Variants in SSPN observed in about 807,000 individuals in gnomAD.
SSPN encodes sarcospan.
Under a neutral mutation model 19.1 loss-of-function variants are expected in SSPN, and 15 were observed. The ratio of observed to expected loss-of-function variants is 0.78; its 90% confidence interval spans 0.52 to 1.21. The LOEUF (loss-of-function observed/expected upper bound fraction) is 1.21, where lower values mean the gene tolerates loss of function less well. SSPN is among the 50% of genes most tolerant of loss of function. The probability of loss-of-function intolerance (pLI) is 0.00; values close to 1 mark genes in which losing one functional copy is unlikely to be tolerated. For missense variants in SSPN, 291 were observed against 314.0 expected, an observed-to-expected ratio of 0.93 and a Z score of 0.55; for synonymous variants, 147 against 140.3, an observed-to-expected ratio of 1.05 and a Z score of -0.34.
chr12:26,151,429 A>C (rs1191119088), intron 1 of SSPN, among the ~76,000 whole-genome samples: 1 of 152,200 alleles, frequency 6.6e-6, no homozygotes, highest in East Asian at 1.9e-4. Flanking sequence ...GCTGTTACCC[A>C]GCACAACTGC....
chr12:26,211,107 A>G (rs1322001741), intron 1 of SSPN: 1 of 152,186 alleles, frequency 6.6e-6, no homozygotes, highest in Non-Finnish European at 1.5e-5. Flanking sequence ...AAAGAAAAGC[A>G]CATTTTAGGT....
intron 1 of SSPN, among the ~76,000 whole-genome samples, chr12:26,138,639 T>A (rs1944442051): frequency 1.4e-5 from 2 of 147,432 alleles, no homozygotes; most frequent in South Asian, 2.1e-4. Context: ...CACATGTTAG[T>A]GACTATCACA....
At chr12:26,138,893 A>T (rs1002559762) in intron 1 of SSPN, among the ~76,000 whole-genome samples, 14 of 152,326 alleles carry the variant, frequency 9.2e-5, no homozygotes, top group African/African-American at 3.4e-4. Context: ...CAATATTTTT[A>T]AACAGTGATC....
At chr12:26,137,498 C>A (rs535713303) in intron 1 of SSPN, among the ~76,000 whole-genome samples, 2 of 151,546 alleles carry the variant, frequency 1.3e-5, no homozygotes, top group South Asian at 4.2e-4. Context: ...CCTCAGTGTC[C>A]GCACTTATAG....
chr12:26,167,572 G>A (rs755290140), intron 1 of SSPN, among the ~76,000 whole-genome samples: 6 of 152,128 alleles, frequency 3.9e-5, no homozygotes, highest in Non-Finnish European at 8.8e-5. Context: ...AACCCAGGGA[G>A]CCAGCAGGCA....
upstream of SSPN, among the ~76,000 whole-genome samples, chr12:26,191,084 A>T (rs1309709690): frequency 2.6e-5 from 4 of 152,234 alleles, no homozygotes; most frequent in Admixed American, 2.6e-4. Context: ...GCCTGCATCA[A>T]TAGTTCACCC....
intron 1 of SSPN, chr12:26,180,458 C>G (rs1944711826): frequency 6.6e-6 from 1 of 152,170 alleles, no homozygotes; most frequent in Non-Finnish European, 1.5e-5. Context: ...CACCTCCACA[C>G]CACTCCAAAA....
chr12:26,158,520 G>A (rs1944568983), intron 1 of SSPN, among the ~76,000 whole-genome samples: 1 of 152,246 alleles, frequency 6.6e-6, no homozygotes, highest in Admixed American at 6.5e-5. Context: ...CAGGCTCTGA[G>A]TGACGGGAAC....
chr12:26,152,570 A>G (rs1344828174), intron 1 of SSPN, among the ~76,000 whole-genome samples: 1 of 152,096 alleles, frequency 6.6e-6, no homozygotes, highest in Non-Finnish European at 1.5e-5. Context: ...CCAACAGCCA[A>G]TCATGCAGAC....
At chr12:26,180,300 G>C (rs573802390) in intron 1 of SSPN, 2 of 152,312 alleles carry the variant, frequency 1.3e-5, no homozygotes, top group South Asian at 4.2e-4. Flanking sequence ...ATCTGAGTTG[G>C]AGGTGCTGAA....
At position 26,232,016 on chromosome 12, in the gene SSPN, A is replaced by C. The variant is rs1945238903; in HGVS notation, c.*940A>C. On this transcript the variant is annotated 3_prime_UTR_variant, in exon 3 of 3. Coordinates refer to ENST00000242729, the MANE Select transcript of SSPN (RefSeq NM_005086.5). ...AGCCAAGCACCACAAGGAAAAAAAA[A>C]ATTATTAATAGCTCAGGTTAAAAAC... 1 of 985,200 alleles carries C rather than the reference A, an allele frequency of 1.0e-6. No individual in the cohort carries two copies. The highest frequency in any genetic ancestry group is 6.1e-5 in the Admixed American group (1 of 16,262). 61.0% of individuals were successfully genotyped at this position (985,200 alleles called of 1,614,324 possible). A position where few individuals can be genotyped will look rare whatever the true frequency, so the allele number is the denominator to read the frequency against.
intron 1 of SSPN, among the ~76,000 whole-genome samples, chr12:26,162,447 C>T (rs1237339271): frequency 1.3e-5 from 2 of 152,164 alleles, no homozygotes; most frequent in Non-Finnish European, 2.9e-5. Flanking sequence ...TTGTGGCTCT[C>T]CTGCTTTAAC....
At chr12:26,133,856 T>C (rs959947395) in intron 1 of SSPN, among the ~76,000 whole-genome samples, 2 of 152,210 alleles carry the variant, frequency 1.3e-5, no homozygotes, top group Non-Finnish European at 2.9e-5. Flanking sequence ...CAAGTTTTTA[T>C]TATGCAATGA....
intron 1 of SSPN, among the ~76,000 whole-genome samples, chr12:26,141,746 G>A (rs1191722177): frequency 6.6e-6 from 1 of 152,194 alleles, no homozygotes; most frequent in Non-Finnish European, 1.5e-5. Context: ...ACTTCAGGAA[G>A]TCAGGTACCT....
intron 1 of SSPN, chr12:26,122,736 G>A (rs548419364): frequency 1.3e-6 from 2 of 1,589,678 alleles, no homozygotes; most frequent in Non-Finnish European, 1.7e-6. Context: ...GACGCGGCTC[G>A]CCCCCGCGCC....
chr12:26,158,197 ATTTTTCTT>A (rs535348212), intron 1 of SSPN, among the ~76,000 whole-genome samples: 199 of 151,824 alleles, frequency 1.3e-3, no homozygotes, highest in Non-Finnish European at 2.5e-3. Flanking sequence ...TTCATCATGT[ATTTTTCTT>A]TTTTTCTGTT....
chr12:26,128,065 T>G (rs900605899), intron 1 of SSPN, among the ~76,000 whole-genome samples: 1 of 152,224 alleles, frequency 6.6e-6, no homozygotes, highest in Non-Finnish European at 1.5e-5. Flanking sequence ...TGCAAAATAT[T>G]TCCAAGGTCC....
chr12:26,170,723 T>A (rs946637148), intron 1 of SSPN, among the ~76,000 whole-genome samples: 1 of 152,236 alleles, frequency 6.6e-6, no homozygotes, highest in African/African-American at 2.4e-5. Flanking sequence ...TGTTTTGGAA[T>A]TCATTGAATA....
intron 1 of SSPN, among the ~76,000 whole-genome samples, chr12:26,196,676 C>A (rs1319218389): frequency 6.6e-6 from 1 of 152,318 alleles, no homozygotes; most frequent in Non-Finnish European, 1.5e-5. Flanking sequence ...AAAACGGGTG[C>A]CACTTACTGA....
Sources: allele counts gnomAD v4.1 joint callset (sites outside exome capture counted in the v4.1 genomes callset), GRCh38; gene constraint gnomAD v4.1.1; transcripts MANE v1.5; gene names NCBI Gene and HGNC (gene_info 2026-07-23, HGNC 2026-07-21).